The following OR51B5 variants were observed in gnomAD, a reference collection of about 807,000 sequenced individuals.
OR51B5 encodes the protein olfactory receptor family 51 subfamily B member 5.
For synonymous variants in OR51B5, 186 were observed against 144.8 expected (o/e 1.28, Z -2.04); for missense variants, 456 against 374.6 (o/e 1.22, Z -1.79).
chr11:5,366,774 TTTAGAATAAAAA>T (rs1796133067), intron 1 of OR51B5, among the ~76,000 whole-genome samples: 1 of 152,094 alleles, frequency 6.6e-6, no homozygotes, highest in Non-Finnish European at 1.5e-5. Context: ...ATTCAAAGTC[TTTAGAATAAAAA>T]TTAAAATTTG....
intron 1 of OR51B5, among the ~76,000 whole-genome samples, chr11:5,412,688 C>G (rs1362291836): frequency 2.8e-4 from 42 of 152,140 alleles, no homozygotes; most frequent in Admixed American, 1.4e-3. Flanking sequence ...CTCGCTGATT[C>G]CTAGCACAGC....
intron 1 of OR51B5, among the ~76,000 whole-genome samples, chr11:5,370,706 G>T (rs1342744404): frequency 6.6e-6 from 1 of 152,100 alleles, no homozygotes; most frequent in Non-Finnish European, 1.5e-5. Context: ...TATATTCTCT[G>T]TTCCTATGAA....
intron 1 of OR51B5, among the ~76,000 whole-genome samples, chr11:5,389,073 G>A (rs1849748472): frequency 1.3e-5 from 2 of 152,240 alleles, no homozygotes; most frequent in African/African-American, 4.8e-5. Flanking sequence ...TCATGGTAGT[G>A]GATGACATTA....
intron 1 of OR51B5, among the ~76,000 whole-genome samples, chr11:5,362,368 A>T (rs774906943): frequency 3.0e-4 from 46 of 152,216 alleles, no homozygotes; most frequent in Non-Finnish European, 5.9e-4. Flanking sequence ...GATGGTCAGG[A>T]ATTTAGTGTA....
chr11:5,447,548 A>C (rs1850784568), intron 1 of OR51B5, among the ~76,000 whole-genome samples: 1 of 152,074 alleles, frequency 6.6e-6, no homozygotes, highest in African/African-American at 2.4e-5. Flanking sequence ...AAATATATTC[A>C]GTTTTTTTGT....
chr11:5,504,347 C>G (rs1238180553), intron 1 of OR51B5, among the ~76,000 whole-genome samples: 1 of 152,204 alleles, frequency 6.6e-6, no homozygotes, highest in Non-Finnish European at 1.5e-5. Context: ...TTTCTGCTTT[C>G]TAGCAAATCT....
chr11:5,364,803 G>A lies in OR51B5; in HGVS notation n.85-17893C>T, dbSNP rs948821607. ...TCTTCCTTCCTGAGCATGTGTTCTGGATATGCTGAAGCCAACCTCACAGGA... is the reference window on the plus strand; with the variant it reads ...TCTTCCTTCCTGAGCATGTGTTCTGAATATGCTGAAGCCAACCTCACAGGA... On this transcript the variant is annotated intron_variant and non_coding_transcript_variant, in intron 1 of 4. Transcript: ENST00000415970. Among the ~76,000 whole-genome samples the A allele has an allele frequency of 2.6e-5, 4 of 152,240 alleles. No homozygotes were observed. The South Asian group carries it at 8.3e-4, about 32-fold the overall frequency.
chr11:5,467,935 G>T (rs1851163036), intron 1 of OR51B5, among the ~76,000 whole-genome samples: 1 of 152,010 alleles, frequency 6.6e-6, no homozygotes, highest in African/African-American at 2.4e-5. Flanking sequence ...ATTTTTCTTT[G>T]TACTAAACTT....
chr11:5,454,114 T>C (rs1480127875), intron 1 of OR51B5: 2 of 1,614,220 alleles, frequency 1.2e-6, no homozygotes, highest in East Asian at 2.2e-5. Flanking sequence ...ACCTTTGGCA[T>C]GGACCTGTTT....
At chr11:5,358,319 C>G (rs539496602) in intron 1 of OR51B5, among the ~76,000 whole-genome samples, 1 of 151,504 alleles carries the variant, frequency 6.6e-6, no homozygotes, top group African/African-American at 2.4e-5. Context: ...ATATCACCAC[C>G]GATCCCACAG....
chr11:5,471,655 A>G (rs966784543), intron 1 of OR51B5, among the ~76,000 whole-genome samples: 3 of 148,612 alleles, frequency 2.0e-5, no homozygotes, highest in Admixed American at 1.4e-4. Flanking sequence ...AAAAAAATTG[A>G]TCAAATAAAA....
intron 1 of OR51B5, among the ~76,000 whole-genome samples, chr11:5,402,154 G>A (rs1849980232): frequency 1.3e-5 from 2 of 151,950 alleles, no homozygotes; most frequent in South Asian, 4.2e-4. Flanking sequence ...TGGGACTACA[G>A]GCACACTCCA....
chr11:5,370,970 G>T (rs1425826807), intron 1 of OR51B5, among the ~76,000 whole-genome samples: 1 of 152,278 alleles, frequency 6.6e-6, no homozygotes, highest in South Asian at 2.1e-4. Flanking sequence ...AGAAGGAAGA[G>T]AACCATATGA....
At chr11:5,398,826 T>G (rs1292122459) in intron 1 of OR51B5, among the ~76,000 whole-genome samples, 1 of 152,170 alleles carries the variant, frequency 6.6e-6, no homozygotes, top group Non-Finnish European at 1.5e-5. Flanking sequence ...GCCATAATTG[T>G]AAGTTTCCTG....
intron 1 of OR51B5, among the ~76,000 whole-genome samples, chr11:5,366,292 G>A (rs749400009): frequency 6.6e-6 from 1 of 152,078 alleles, no homozygotes; most frequent in Non-Finnish European, 1.5e-5. Context: ...GAGCTCAAGG[G>A]AAGGTTCCTC....
At chr11:5,446,376 T>C (rs1850764326) in intron 1 of OR51B5, among the ~76,000 whole-genome samples, 1 of 152,128 alleles carries the variant, frequency 6.6e-6, no homozygotes, top group South Asian at 2.1e-4. Context: ...TGGTATTCAC[T>C]GTGAAATTCT....
intron 1 of OR51B5, among the ~76,000 whole-genome samples, chr11:5,385,689 AAT>A (rs1434660809): frequency 7.0e-6 from 1 of 143,124 alleles, no homozygotes; most frequent in African/African-American, 2.7e-5. Context: ...TACTACCTAT[AAT>A]ATATATGTTG....
intron 1 of OR51B5, among the ~76,000 whole-genome samples, chr11:5,353,232 G>A (rs997049607): frequency 6.6e-6 from 1 of 152,106 alleles, no homozygotes; most frequent in Admixed American, 6.5e-5. Context: ...AATGTGTTCA[G>A]TTAAAACTTT....
chr11:5,457,049 A>AC (rs1850971306), intron 1 of OR51B5, among the ~76,000 whole-genome samples: 1 of 152,132 alleles, frequency 6.6e-6, no homozygotes, highest in Non-Finnish European at 1.5e-5. Flanking sequence ...AGCCTGCAGA[A>AC]CCATTATTTC....
Sources: gnomAD v4.1 joint callset for allele counts (sites outside exome capture counted in the v4.1 genomes callset) on GRCh38, gnomAD v4.1.1 for gene constraint, MANE v1.5 for transcripts, NCBI Gene and HGNC (gene_info 2026-07-23, HGNC 2026-07-21) for gene names.